PDE4D: variants seen among roughly 807,000 people sequenced by gnomAD.
PDE4D encodes the protein 3',5'-cyclic-AMP phosphodiesterase 4D.
In PDE4D, 24 loss-of-function variants were observed where a neutral mutation model predicts 87.4. The observed-to-expected ratio is 0.27, with a 90% CI of 0.20 to 0.39. The LOEUF is 0.39. Among genes scored for constraint, PDE4D ranks in the 10% least tolerant of loss-of-function variants. The pLI, the probability that PDE4D is intolerant of heterozygous loss-of-function variation, is 1.00. For missense variants in PDE4D, 714 were observed against 1,041.0 expected, an observed-to-expected ratio of 0.69 and a Z score of 4.32; for synonymous variants, 384 against 383.2, an observed-to-expected ratio of 1.00 and a Z score of -0.02.
intron 5 of PDE4D, among the ~76,000 whole-genome samples, chr5:59,153,203 A>G (rs549581669): frequency 1.5e-4 from 23 of 152,136 alleles, no homozygotes; most frequent in Non-Finnish European, 2.8e-4. Context: ...AGGCTGAATA[A>G]ATAGTGTTCT....
chr5:60,266,766 T>G (rs921533128), intron 1 of PDE4D, among the ~76,000 whole-genome samples: 2 of 152,252 alleles, frequency 1.3e-5, no homozygotes, highest in Non-Finnish European at 2.9e-5. Flanking sequence ...TATACCCATC[T>G]TTCTGTCTTC....
intron 2 of PDE4D, among the ~76,000 whole-genome samples, chr5:60,031,400 G>T (rs527988273): frequency 6.6e-6 from 1 of 152,278 alleles, no homozygotes; most frequent in South Asian, 2.1e-4. Context: ...TGCCATTGTA[G>T]AGTAAATCAA....
At chr5:60,048,921 A>G (rs1769702207) in intron 2 of PDE4D, among the ~76,000 whole-genome samples, 1 of 152,156 alleles carries the variant, frequency 6.6e-6, no homozygotes, top group Admixed American at 6.5e-5. Flanking sequence ...CTGCCTTGCT[A>G]CATTGGGGAA....
At chr5:59,449,820 C>G (rs888201980) in intron 1 of PDE4D, among the ~76,000 whole-genome samples, 1 of 151,988 alleles carries the variant, frequency 6.6e-6, no homozygotes, top group East Asian at 1.9e-4. Flanking sequence ...TTCCCAATCT[C>G]CACTACAAAA....
Position 60,043,158 on chromosome 5 carries a change from A to T in PDE4D, c.43-54441T>A, listed in dbSNP as rs1243692470. Among the ~76,000 whole-genome samples the T allele has an allele frequency of 3.3e-5, 5 of 151,876 alleles. No individual in the cohort carries two copies. The East Asian group carries it at 9.8e-4, about 30-fold the overall frequency. On this transcript the variant is annotated intron_variant, in intron 2 of 16. Coordinates refer to the PDE4D transcript ENST00000502484. Reference sequence around the variant, plus strand: ...AGAACTTCCTGAAGCATACACAAGTATCAATAGCCAAATTGATCAAGCAGA... The same window carrying T: ...AGAACTTCCTGAAGCATACACAAGTTTCAATAGCCAAATTGATCAAGCAGA...
At chr5:60,430,374 C>T (rs1446883778) in intron 1 of PDE4D, 1 of 411,220 alleles carries the variant, frequency 2.4e-6, no homozygotes, top group Non-Finnish European at 4.8e-6. Context: ...CCTCTTCCTC[C>T]CTCTACTCCA....
chr5:59,709,605 C>G (rs1259550878), intron 1 of PDE4D, among the ~76,000 whole-genome samples: 1 of 152,148 alleles, frequency 6.6e-6, no homozygotes, highest in Non-Finnish European at 1.5e-5. Flanking sequence ...CTGGGGACAG[C>G]TGAACAGAAA....
intron 1 of PDE4D, among the ~76,000 whole-genome samples, chr5:59,456,536 T>C (rs1799959058): frequency 1.3e-5 from 2 of 152,214 alleles, no homozygotes; most frequent in Admixed American, 1.3e-4. Context: ...ATACACAAGA[T>C]TCATGTTGTT....
chr5:59,487,040 G>A (rs906794744), intron 1 of PDE4D, among the ~76,000 whole-genome samples: 1 of 152,134 alleles, frequency 6.6e-6, no homozygotes, highest in Admixed American at 6.6e-5. Flanking sequence ...AGAAGTAGAA[G>A]ATAATAGGAA....
intron 1 of PDE4D, among the ~76,000 whole-genome samples, chr5:59,882,255 C>T (rs1415868561): frequency 1.3e-5 from 2 of 152,076 alleles, no homozygotes; most frequent in East Asian, 1.9e-4. Context: ...TGATGAGTAA[C>T]CACATGATTT....
intron 1 of PDE4D, among the ~76,000 whole-genome samples, chr5:60,337,806 T>G (rs1442891830): frequency 6.6e-6 from 1 of 152,104 alleles, no homozygotes; most frequent in Non-Finnish European, 1.5e-5. Flanking sequence ...CAAACAGATT[T>G]GTTCAGTCAC....
chr5:60,296,315 A>G (rs1251119548), intron 1 of PDE4D, among the ~76,000 whole-genome samples: 1 of 152,198 alleles, frequency 6.6e-6, no homozygotes, highest in Non-Finnish European at 1.5e-5. Flanking sequence ...TAGGCTTTCC[A>G]TAGATGTCAG....
intron 2 of PDE4D, among the ~76,000 whole-genome samples, chr5:60,124,844 C>T (rs1778990568): frequency 6.6e-6 from 1 of 152,080 alleles, no homozygotes; most frequent in South Asian, 2.1e-4. Flanking sequence ...TCAAGATCAT[C>T]CAAGGTCTTC....
Position 59,856,211 on chromosome 5 carries a change from G to A in PDE4D, c.455+36957C>T, listed in dbSNP as rs530921346. ...ATTGCCTTTATTTATAGAAGTGGAA[G>A]ATAAGTGGTATTTCTCTTTTGGCAT... On this transcript the variant is annotated intron_variant, in intron 1 of 14. Transcript: ENST00000340635. Among the ~76,000 whole-genome samples the A allele has an allele frequency of 2.0e-3, 303 of 152,232 alleles. 1 individual carries two copies. Among genetic ancestry groups the A allele is most frequent in the African/African-American group, 7.0e-3 (292 of 41,558 alleles).
Position 60,057,873 on chromosome 5 carries a change from T to C in PDE4D, c.43-69156A>G, listed in dbSNP as rs974853696. Among the ~76,000 whole-genome samples the C allele has an allele frequency of 7.4e-4, 113 of 152,004 alleles. 1 individual carries two copies. The highest frequency in any genetic ancestry group is 1.9e-4 in the Non-Finnish European group (13 of 67,938). Reference sequence around the variant, plus strand: ...TTACAACTGACTACAGTAATGTTAATGGAACAAAAAGCTTAACATCTGATA... The same window carrying C: ...TTACAACTGACTACAGTAATGTTAACGGAACAAAAAGCTTAACATCTGATA... On this transcript the variant is annotated intron_variant, in intron 2 of 16. Coordinates refer to the PDE4D transcript ENST00000502484.
intron 1 of PDE4D, among the ~76,000 whole-genome samples, chr5:59,862,326 A>T (rs1024598653): frequency 6.6e-6 from 1 of 152,226 alleles, no homozygotes; most frequent in Non-Finnish European, 1.5e-5. Context: ...TTAAAACAAA[A>T]TAATTAGAAA....
intron 3 of PDE4D, among the ~76,000 whole-genome samples, chr5:59,925,909 A>G (rs1406783743): frequency 6.6e-6 from 1 of 152,168 alleles, no homozygotes; most frequent in African/African-American, 2.4e-5. Context: ...ACCCCAATAC[A>G]ATAATAGCTG....
intron 2 of PDE4D, among the ~76,000 whole-genome samples, chr5:60,117,821 C>T (rs992762174): frequency 6.6e-6 from 1 of 151,316 alleles, no homozygotes; most frequent in African/African-American, 2.4e-5. Context: ...CAAACACACA[C>T]ACATACACAC....
intron 1 of PDE4D, among the ~76,000 whole-genome samples, chr5:59,252,300 A>C (rs771600286): frequency 7.2e-5 from 11 of 152,268 alleles, no homozygotes; most frequent in Admixed American, 1.3e-4. Context: ...CCCATAAAGC[A>C]AACTATCCAA....
Sources: allele counts gnomAD v4.1 joint callset (sites outside exome capture counted in the v4.1 genomes callset), GRCh38; gene constraint gnomAD v4.1.1; transcripts MANE v1.5; gene names NCBI Gene and HGNC (gene_info 2026-07-23, HGNC 2026-07-21).